Variants in PYROXD2 observed in about 807,000 individuals in gnomAD.
PYROXD2 encodes the protein pyridine nucleotide-disulphide oxidoreductase domain 2.
PYROXD2 carries 69 observed loss-of-function variants against 71.1 expected under a neutral mutation model. The observed-to-expected ratio is 0.97, with a 90% CI of 0.80 to 1.19. The LOEUF is 1.19. Among genes scored for constraint, PYROXD2 ranks in the 50% most tolerant of loss-of-function variants. PYROXD2 has a pLI of 0.00. For synonymous variants in PYROXD2, 287 were observed against 302.7 expected (o/e 0.95, Z 0.54); for missense variants, 745 against 748.9 (o/e 0.99, Z 0.06).
At chr10:98,414,875 G>A (rs555757841) in intron 1 of PYROXD2, 134 bp downstream of exon 1, 133 of 1,333,200 alleles carry the variant, frequency 1.0e-4, no homozygotes, top group African/African-American at 8.5e-4. Context: ...CCCTGCTAGC[G>A]TATAAACTTC....
chr10:98,385,202 AGAAAGGGAAGGAGAT>A, intron 14 of PYROXD2, 135 bp from the exon 15 acceptor site: 1 of 1,272,628 alleles, frequency 7.9e-7, no homozygotes, highest in Non-Finnish European at 1.1e-6. Flanking sequence ...TTTAAAATGC[AGAAAGGGAAGGAGAT>A]GAGACGGAAT....
rs987532336 is a variant in PYROXD2 at position 98,414,682 on chromosome 10, G to A, written c.127+327C>T. ...TTACAAACCATAGGCTGAGAATGTG[G>A]TGGAAACTAGGTCACTTTGCAAGAG... is the stretch of plus-strand genomic sequence containing the variant. On this transcript the variant is annotated intron_variant, in intron 1 of 15. Coordinates refer to ENST00000370575, the MANE Select transcript of PYROXD2 (RefSeq NM_032709.3). 7.9e-5 allele frequency: 18 copies of A among 227,028 alleles called. No homozygotes were observed. The East Asian group carries it at 1.7e-3, about 22-fold the overall frequency. The allele number at this position is 227,028 out of a possible 1,614,324, so 14.1% of individuals were successfully genotyped here. A position where few individuals can be genotyped will look rare whatever the true frequency, so the allele number is the denominator to read the frequency against.
At chr10:98,412,428 C>A (rs562454866) in intron 1 of PYROXD2, among the ~76,000 whole-genome samples, 2 of 152,142 alleles carry the variant, frequency 1.3e-5, no homozygotes, top group African/African-American at 4.8e-5. Context: ...CTGCTCTGGG[C>A]GTGGGCTCTG....
At chr10:98,408,420 C>A (rs753807456) in intron 2 of PYROXD2, among the ~76,000 whole-genome samples, 7 of 152,228 alleles carry the variant, frequency 4.6e-5, no homozygotes, top group Admixed American at 6.5e-5. Context: ...CAGGTTCAGT[C>A]CCTCGTTCTC....
intron 4 of PYROXD2, among the ~76,000 whole-genome samples, chr10:98,401,273 A>AAAAAAAACAAAC (rs149519972): frequency 1.6e-5 from 2 of 121,692 alleles, no homozygotes; most frequent in African/African-American, 7.3e-5. Flanking sequence ...AAAACAAAAA[A>AAAAAAAACAAAC]AAACAAACAT....
chr10:98,392,121 C>A (rs566002117), intron 10 of PYROXD2, among the ~76,000 whole-genome samples: 1 of 152,088 alleles, frequency 6.6e-6, no homozygotes, highest in African/African-American at 2.4e-5. Context: ...GGAATTAGAG[C>A]GGTGAGAGGG....
chr10:98,384,868 A>G (rs1002067454), intron 15 of PYROXD2, 79 bp downstream of exon 15: 62 of 1,484,668 alleles, frequency 4.2e-5, no homozygotes, highest in Non-Finnish European at 5.2e-5. Flanking sequence ...TCATTGCTTA[A>G]CTTCCTCCTT....
chr10:98,394,543 A>AACGCACACAC (rs1843081403), intron 8 of PYROXD2, among the ~76,000 whole-genome samples: 1 of 141,818 alleles, frequency 7.1e-6, no homozygotes, highest in Admixed American at 7.0e-5. Context: ...TCTCCATCCC[A>AACGCACACAC]ACACACACAC....
At chr10:98,397,203 G>T in intron 6 of PYROXD2, 142 bp downstream of exon 6, 1 of 1,138,832 alleles carries the variant, frequency 8.8e-7, no homozygotes, top group African/African-American at 1.6e-5. Context: ...GCTCCAGGCT[G>T]CCCCTAATTG....
chr10:98,407,504 A>G, intron 4 of PYROXD2, 78 bp downstream of exon 4: 1 of 1,572,286 alleles, frequency 6.4e-7, no homozygotes, highest in Non-Finnish European at 8.6e-7. Context: ...CGGGCACAGA[A>G]CAGGGACCCC....
At chr10:98,409,138 T>C (rs935693763) in intron 2 of PYROXD2, among the ~76,000 whole-genome samples, 5 of 152,220 alleles carry the variant, frequency 3.3e-5, no homozygotes, top group African/African-American at 1.2e-4. Flanking sequence ...ATCTCACAGA[T>C]TGACAACCTC....
chr10:98,413,119 T>C (rs1454803828), intron 1 of PYROXD2, among the ~76,000 whole-genome samples: 1 of 152,220 alleles, frequency 6.6e-6, no homozygotes, highest in Non-Finnish European at 1.5e-5. Context: ...ATCTGCATGG[T>C]GGACACACTA....
At chr10:98,409,752 G>A (rs559280416) in intron 2 of PYROXD2, among the ~76,000 whole-genome samples, 8 of 152,154 alleles carry the variant, frequency 5.3e-5, no homozygotes, top group Non-Finnish European at 1.0e-4. Context: ...TCACAAAGTG[G>A]CAGAGCTGGG....
At chr10:98,401,273 A>AAAAAAAAACAAAC (rs149519972) in intron 4 of PYROXD2, among the ~76,000 whole-genome samples, 6 of 121,686 alleles carry the variant, frequency 4.9e-5, no homozygotes, top group African/African-American at 1.1e-4. Context: ...AAAACAAAAA[A>AAAAAAAAACAAAC]AAACAAACAT....
intron 14 of PYROXD2, among the ~76,000 whole-genome samples, chr10:98,386,509 G>A (rs1842759316): frequency 6.6e-6 from 1 of 151,448 alleles, no homozygotes; most frequent in South Asian, 2.1e-4. Flanking sequence ...TTCTACACTT[G>A]CAGCACATCT....
At chr10:98,392,107 C>T (rs1451999841) in intron 10 of PYROXD2, among the ~76,000 whole-genome samples, 1 of 152,068 alleles carries the variant, frequency 6.6e-6, no homozygotes, top group East Asian at 1.9e-4. Context: ...TTGACAAAGA[C>T]AATGGAATTA....
intron 4 of PYROXD2, among the ~76,000 whole-genome samples, chr10:98,403,600 T>C (rs1478557039): frequency 6.6e-6 from 1 of 152,180 alleles, no homozygotes; most frequent in East Asian, 1.9e-4. Context: ...GGGTGGGTCC[T>C]TCTCTTCTTC....
At chr10:98,395,587 C>T (rs1843142669) in intron 6 of PYROXD2, 135 bp from the exon 7 acceptor site, 14 of 734,520 alleles carry the variant, frequency 1.9e-5, no homozygotes, top group Middle Eastern at 6.4e-4. Flanking sequence ...AATGCAGGGA[C>T]AGATCCAGCT....
At chr10:98,388,108 A>G in intron 13 of PYROXD2, 1 of 507,138 alleles carries the variant, frequency 2.0e-6, no homozygotes, top group Non-Finnish European at 3.6e-6. Flanking sequence ...TTTCTTAATT[A>G]GTCTCCTCCA....
Sources: allele counts gnomAD v4.1 joint callset (sites outside exome capture counted in the v4.1 genomes callset), GRCh38; gene constraint gnomAD v4.1.1; transcripts MANE v1.5; gene names NCBI Gene and HGNC (gene_info 2026-07-23, HGNC 2026-07-21).